The following PREPL variants were observed in gnomAD, a reference collection of about 807,000 sequenced individuals.
PREPL encodes prolyl endopeptidase-like.
In PREPL, 77 loss-of-function variants were observed where a neutral mutation model predicts 70.6. That is an observed-to-expected ratio of 1.09 (90% CI 0.91 to 1.32). The LOEUF (loss-of-function observed/expected upper bound fraction) is 1.32. PREPL is among the 40% of genes most tolerant of loss of function. PREPL has a pLI of 0.00. For synonymous variants in PREPL, 315 were observed against 264.8 expected (o/e 1.19, Z -1.84); for missense variants, 1,002 against 778.2 (o/e 1.29, Z -3.42).
At chr2:44,331,948 T>C (rs1427905392) in intron 8 of PREPL, among the ~76,000 whole-genome samples, 1 of 15,934 alleles carries the variant, frequency 6.3e-5, no homozygotes, top group Non-Finnish European at 1.4e-4. Context: ...TAAATTTTCT[T>C]TTTTTTTTTT....
chr2:44,346,828 CAAAGAAG>C (rs1675880433), intron 1 of PREPL, among the ~76,000 whole-genome samples: 1 of 151,904 alleles, frequency 6.6e-6, no homozygotes, highest in African/African-American at 2.4e-5. Flanking sequence ...AGGGAAATAT[CAAAGAAG>C]TGGAAGACAT....
Position 44,339,281 on chromosome 2 carries a change from A to G in PREPL, c.568T>C (p.Leu190=). The G allele has an allele frequency of 6.2e-7, 1 of 1,614,132 alleles. No individual in the cohort carries two copies. The highest frequency in any genetic ancestry group is 8.5e-7 in the Non-Finnish European group (1 of 1,180,022). Residue 190 remains leucine (L), a synonymous_variant, in exon 6 of 14, where the codon TTG becomes CTG. Coordinates refer to ENST00000409411, the MANE Select transcript of PREPL (RefSeq NM_001171613.2). ...IMNKTTSEVW[L]IDGLSPWDPP... ...TCCCAAGGGCTCAGGCCATCTATCAACCACACTTCAGAAGTAGTCTTGTTC... is the reference window on the plus strand; with the variant it reads ...TCCCAAGGGCTCAGGCCATCTATCAGCCACACTTCAGAAGTAGTCTTGTTC...
intron 1 of PREPL, chr2:44,360,040 T>TAA (rs1677514525): frequency 4.6e-6 from 1 of 215,176 alleles, no homozygotes; most frequent in Non-Finnish European, 9.2e-6. Context: ...GGGGTTAAAC[T>TAA]AAAACAAAAA....
intron 8 of PREPL, 142 bp from the exon 9 acceptor site, chr2:44,329,254 A>T (rs1272156218): frequency 7.7e-6 from 5 of 648,422 alleles, no homozygotes; most frequent in African/African-American, 3.7e-5. Flanking sequence ...TAAGAAAAAG[A>T]ATTATGGTCT....
intron 4 of PREPL, 132 bp from the exon 5 acceptor site, chr2:44,342,684 T>C (rs908664303): frequency 2.8e-6 from 2 of 725,948 alleles, no homozygotes; most frequent in Admixed American, 2.9e-5. Flanking sequence ...ATCTAAATAT[T>C]TGACTGTATC....
intron 9 of PREPL, among the ~76,000 whole-genome samples, chr2:44,327,846 G>C (rs892929001): frequency 6.6e-6 from 1 of 151,638 alleles, no homozygotes; most frequent in Admixed American, 6.6e-5. Flanking sequence ...CTGGGAGACA[G>C]AGTGAGACTC....
chr2:44,361,465 TCACCGC>T lies in PREPL; in HGVS notation c.-140_-135del. ...TGAAGCTCTCAGAGGGGAGCAGGTG[TCACCGC>T]AGGCAAGTCCAGCCGAAGTCTGCGT... On this transcript the variant is annotated 5_prime_UTR_variant, in exon 1 of 14. Coordinates refer to ENST00000409411, the MANE Select transcript of PREPL (RefSeq NM_001171613.2). The T allele has an allele frequency of 6.5e-6, 1 of 152,842 alleles. No individual in the cohort carries two copies. Among genetic ancestry groups the T allele is most frequent in the South Asian group, 2.0e-4 (1 of 4,950 alleles). The allele number at this position is 152,842 out of a possible 1,614,324, so 9.5% of individuals were successfully genotyped here. A position where few individuals can be genotyped will look rare whatever the true frequency, so the allele number is the denominator to read the frequency against.
rs1428679948 is a variant in PREPL at position 44,319,092 on chromosome 2, C to G, written c.*2264G>C. On this transcript the variant is annotated 3_prime_UTR_variant, in exon 14 of 14. Coordinates refer to ENST00000409411, the MANE Select transcript of PREPL (RefSeq NM_001171613.2). ...GAAAATGTTAATAACTTAGACAAGT[C>G]ATACATGTATCATAAATATCTTTGT... 3 of 152,524 alleles carry G rather than the reference C, an allele frequency of 2.0e-5. No homozygotes were observed. Among genetic ancestry groups the G allele is most frequent in the African/African-American group, 7.2e-5 (3 of 41,456 alleles). 9.4% of individuals were successfully genotyped at this position (152,524 alleles called of 1,614,324 possible).
In PREPL at chr2:44,326,810, G is replaced by A. The variant is rs754197491; in HGVS notation, c.1381C>T (p.Pro461Ser). The A allele has an allele frequency of 6.2e-7, 1 of 1,614,122 alleles. No homozygotes were observed. Among genetic ancestry groups the A allele is most frequent in the Non-Finnish European group, 8.5e-7 (1 of 1,180,004 alleles). Residue 461 changes from proline (P) to serine (S), a missense_variant, in exon 10 of 14, where the codon CCA (proline) becomes TCA (serine). Coordinates refer to ENST00000409411, the MANE Select transcript of PREPL (RefSeq NM_001171613.2). Reference protein sequence around the residue: ...KTLHGQGFSQPSLTTLTAFSA... With the variant: ...KTLHGQGFSQSSLTTLTAFSA... ...AAAGCAGTCAGGGTTGTTAGACTTG[G>A]CTGAGAAAAGCCTTGGCCATGAAGC...
chr2:44,344,683 AAAAC>A (rs1174229356), intron 2 of PREPL, 97 bp from the exon 3 acceptor site: 3 of 844,732 alleles, frequency 3.6e-6, no homozygotes, highest in Non-Finnish European at 5.4e-6. Flanking sequence ...ACTCTTATAA[AAAAC>A]AGACCTGTTG....
At chr2:44,327,780 T>C (rs1003616299) in intron 9 of PREPL, among the ~76,000 whole-genome samples, 2 of 151,950 alleles carry the variant, frequency 1.3e-5, no homozygotes, top group African/African-American at 2.4e-5. Flanking sequence ...AGAGAATTAC[T>C]TGAACCTGGG....
intron 8 of PREPL, 130 bp from the exon 9 acceptor site, chr2:44,329,242 T>G: frequency 2.8e-6 from 2 of 712,772 alleles, no homozygotes; most frequent in Non-Finnish European, 4.4e-6. Flanking sequence ...CACAAATTTG[T>G]TTAAGAAAAA....
chr2:44,319,955 C>G lies in PREPL; in HGVS notation c.*1401G>C, dbSNP rs954219799. On this transcript the variant is annotated 3_prime_UTR_variant, in exon 14 of 14. Transcript: ENST00000409411. ...AAATTTGATCTCTACAGAAACTCTA[C>G]AATGTAGCAGAGCACTGTGCGTACT... 9 of 485,156 alleles carry G rather than the reference C, an allele frequency of 1.9e-5. No individual in the cohort carries two copies. The highest frequency in any genetic ancestry group is 3.3e-5 in the Non-Finnish European group (9 of 269,876). 30.1% of individuals were successfully genotyped at this position (485,156 alleles called of 1,614,324 possible). A position where few individuals can be genotyped will look rare whatever the true frequency, so the allele number is the denominator to read the frequency against.
chr2:44,349,413 C>G (rs1000262800), intron 1 of PREPL, among the ~76,000 whole-genome samples: 1 of 151,968 alleles, frequency 6.6e-6, no homozygotes, highest in African/African-American at 2.4e-5. Context: ...TTTTGGACAA[C>G]TGGAGCCTCA....
At chr2:44,347,893 C>T (rs17032162) in intron 1 of PREPL, among the ~76,000 whole-genome samples, 18,702 of 152,044 alleles carry the variant, frequency 0.12, 1,346 homozygotes, top group African/African-American at 0.2. Flanking sequence ...AAGAATATAA[C>T]GGAAAAATCA....
intron 1 of PREPL, among the ~76,000 whole-genome samples, chr2:44,356,978 G>A (rs1677117007): frequency 6.6e-6 from 1 of 152,106 alleles, no homozygotes; most frequent in South Asian, 2.1e-4. Flanking sequence ...CTAATTTTTA[G>A]TCTTTTTGGT....
At chr2:44,360,528 G>A (rs1446233137) in intron 1 of PREPL, 1 of 152,146 alleles carries the variant, frequency 6.6e-6, no homozygotes, top group African/African-American at 2.4e-5. Flanking sequence ...CCTGCAAGAT[G>A]CACAAATAAA....
At chr2:44,331,318 G>C (rs1572862632) in intron 8 of PREPL, among the ~76,000 whole-genome samples, 1 of 151,788 alleles carries the variant, frequency 6.6e-6, no homozygotes, top group African/African-American at 2.4e-5. Context: ...GGGTTCAAAG[G>C]ATTCTCCTGC....
intron 1 of PREPL, among the ~76,000 whole-genome samples, chr2:44,358,816 C>T (rs1056258012): frequency 2.0e-5 from 3 of 152,060 alleles, no homozygotes; most frequent in Non-Finnish European, 4.4e-5. Flanking sequence ...GATTATTTTT[C>T]ATTTTTTTAC....
Sources: gnomAD v4.1 joint callset for allele counts (sites outside exome capture counted in the v4.1 genomes callset) on GRCh38, gnomAD v4.1.1 for gene constraint, MANE v1.5 for transcripts, NCBI Gene and HGNC (gene_info 2026-07-23, HGNC 2026-07-21) for gene names.